The following ERMAP variants were observed in gnomAD, a reference collection of about 807,000 sequenced individuals.
The protein encoded by ERMAP is erythroid membrane-associated protein.
ERMAP carries 34 observed loss-of-function variants against 49.5 expected under a neutral mutation model. That is an observed-to-expected ratio of 0.69 (90% confidence interval 0.52 to 0.91). The LOEUF is 0.91. Among genes scored for constraint, ERMAP ranks in the 40% least tolerant of loss-of-function variants. The pLI is 0.00. For missense variants in ERMAP, 541 were observed against 582.6 expected, an observed-to-expected ratio of 0.93 and a Z score of 0.74; for synonymous variants, 214 against 232.2, an observed-to-expected ratio of 0.92 and a Z score of 0.71.
intron 4 of ERMAP, 100 bp from the exon 5 acceptor site, chr1:42,834,938 T>G: frequency 1.4e-6 from 1 of 731,088 alleles, no homozygotes; most frequent in Non-Finnish European, 2.5e-6. Context: ...CTAGAGGTGA[T>G]GGAGAGTGTT....
chr1:42,825,431 G>A (rs1349963158), intron 1 of ERMAP, 192 bp from the exon 2 acceptor site: 19 of 1,098,414 alleles, frequency 1.7e-5, no homozygotes, highest in East Asian at 7.3e-5. Context: ...CCTCCTACCC[G>A]GTCAGTCATA....
In ERMAP at chr1:42,843,254, C is replaced by T. The variant is rs1349145844; in HGVS notation, c.*22C>T. 2 of 1,524,062 alleles carry T rather than the reference C, an allele frequency of 1.3e-6. No individual in the cohort carries two copies. The highest frequency in any genetic ancestry group is 1.8e-6 in the Non-Finnish European group (2 of 1,131,950). The allele number at this position is 1,524,062 out of a possible 1,614,324, so 94.4% of individuals were successfully genotyped here. On this transcript the variant is annotated 3_prime_UTR_variant, in exon 12 of 12. Coordinates refer to ENST00000372517, the MANE Select transcript of ERMAP (RefSeq NM_001017922.2). ...TTAGGGATATGCCACATTACCTGCTCCCATCACCATCCAGCCCAGCACCCT... is the reference window on the plus strand; with the variant it reads ...TTAGGGATATGCCACATTACCTGCTTCCATCACCATCCAGCCCAGCACCCT...
At chr1:42,825,131 T>C (rs1342016858) in intron 1 of ERMAP, among the ~76,000 whole-genome samples, 1 of 152,192 alleles carries the variant, frequency 6.6e-6, no homozygotes, top group African/African-American at 2.4e-5. Flanking sequence ...ATTATGAACA[T>C]ACAGCTAAGG....
At chr1:42,817,292 G>T in intron 1 of ERMAP, 39 bp downstream of exon 1, 2 of 1,208,996 alleles carry the variant, frequency 1.7e-6, no homozygotes, top group East Asian at 1.8e-4. Flanking sequence ...ACCCAGCGCT[G>T]CCTGCCCACC....
intron 7 of ERMAP, 67 bp from the exon 8 acceptor site, chr1:42,838,834 G>A (rs1654976916): frequency 6.2e-7 from 1 of 1,604,412 alleles, no homozygotes; most frequent in African/African-American, 1.3e-5. Flanking sequence ...TGATGAGGCT[G>A]CCACAGCTCT....
intron 4 of ERMAP, among the ~76,000 whole-genome samples, chr1:42,833,088 A>G (rs922568217): frequency 6.6e-6 from 1 of 152,264 alleles, no homozygotes; most frequent in African/African-American, 2.4e-5. Flanking sequence ...TGAACCATCC[A>G]CAACATGGCC....
At chr1:42,820,682 C>T (rs1654382450) in intron 1 of ERMAP, among the ~76,000 whole-genome samples, 1 of 151,794 alleles carries the variant, frequency 6.6e-6, no homozygotes, top group South Asian at 2.1e-4. Context: ...TTGTTTGATC[C>T]CCGACTTTCC....
Position 42,830,428 on chromosome 1 carries a change from CCTCT to C in ERMAP, c.-5-15_-5-12del, listed in dbSNP as rs570262554. The C allele has an allele frequency of 1.5e-4, 245 of 1,613,328 alleles. 3 individuals carry two copies. In the South Asian group the frequency reaches 2.5e-3, roughly 16 times the overall value. ...CCCATCAGCCCGCTTGTGCTGTCTC[CCTCT>C]GTCTGTCCTAGTTCGGATGGAGATG... is the stretch of plus-strand genomic sequence containing the variant. On this transcript the variant is annotated splice_polypyrimidine_tract_variant and intron_variant, in intron 2 of 11. Transcript: ENST00000372517.
rs1170098578 is a variant in ERMAP, at chr1:42,819,046, A to G, written c.-122+1793A>G. Among the ~76,000 whole-genome samples, 1 of 152,136 alleles carries G rather than the reference A, an allele frequency of 6.6e-6. No homozygotes were observed. The highest frequency in any genetic ancestry group is 1.5e-5 in the Non-Finnish European group (1 of 68,008). ...GCTAAAAACAAACCAGCTATAGGGA[A>G]TGGAGGAGTGGAAAAGCCACATGGA... On this transcript the variant is annotated intron_variant, in intron 1 of 11. Coordinates refer to ENST00000372517, the MANE Select transcript of ERMAP (RefSeq NM_001017922.2). This position sits in a 1 kb window ranked among gnomAD's most constrained non-coding sequence, Gnocchi z 5.1.
Position 42,843,214 on chromosome 1 carries a change from C to A in ERMAP, c.1410C>A (p.Leu470=), listed in dbSNP as rs767198184. 1.3e-6 allele frequency: 2 copies of A among 1,588,216 alleles called. No homozygotes were observed. Among genetic ancestry groups the A allele is most frequent in the Non-Finnish European group, 1.7e-6 (2 of 1,169,640 alleles). ...PPDLGPALQE[L]KAPSF is the part of the protein sequence containing the mutation. Reference sequence around the variant, plus strand: ...ACCTTGGCCCAGCCCTTCAGGAGCTCAAGGCTCCTTCTTTTTAGGGATATG... The same window carrying A: ...ACCTTGGCCCAGCCCTTCAGGAGCTAAAGGCTCCTTCTTTTTAGGGATATG... Residue 470 remains leucine, a synonymous_variant, in exon 12 of 12, where the codon CTC becomes CTA. Transcript: ENST00000372517.
At chr1:42,825,867 G>A (rs1654530919) in intron 2 of ERMAP, 129 bp downstream of exon 2, 1 of 1,112,610 alleles carries the variant, frequency 9.0e-7, no homozygotes, top group Non-Finnish European at 1.2e-6. Context: ...TGGGGCAGTT[G>A]TTAGCTATCA....
chr1:42,829,664 A>G (rs943351391), intron 2 of ERMAP, among the ~76,000 whole-genome samples: 1 of 152,204 alleles, frequency 6.6e-6, no homozygotes, highest in Non-Finnish European at 1.5e-5. Context: ...AATAATAACA[A>G]CAACTACACA....
intron 6 of ERMAP, 188 bp from the exon 7 acceptor site, chr1:42,836,970 G>T (rs1171024722): frequency 1.9e-5 from 11 of 577,686 alleles, no homozygotes; most frequent in Middle Eastern, 7.9e-4. Flanking sequence ...GAGGGATTAA[G>T]ACAGGATGTG....
intron 1 of ERMAP, among the ~76,000 whole-genome samples, chr1:42,824,920 T>C (rs1457360415): frequency 6.6e-6 from 1 of 152,194 alleles, no homozygotes; most frequent in African/African-American, 2.4e-5. Context: ...TGCTAGCAGC[T>C]TGCCTGCAAG....
chr1:42,837,067 G>A (rs1049341126), intron 6 of ERMAP, 91 bp from the exon 7 acceptor site: 124 of 1,336,202 alleles, frequency 9.3e-5, no homozygotes, highest in Non-Finnish European at 1.3e-4. Context: ...GATAGAGGTG[G>A]ACAGGTCCAA....
chr1:42,833,466 T>C (rs1038609351), intron 4 of ERMAP, among the ~76,000 whole-genome samples: 14 of 152,242 alleles, frequency 9.2e-5, no homozygotes, highest in Admixed American at 7.8e-4. Context: ...AGCATTTGTT[T>C]TCTTTGCCCA....
intron 7 of ERMAP, 47 bp from the exon 8 acceptor site, chr1:42,838,854 G>C: frequency 6.2e-7 from 1 of 1,611,374 alleles, no homozygotes; most frequent in Non-Finnish European, 8.5e-7. Flanking sequence ...TGAGGAAAAA[G>C]AGGCAGGATC....
chr1:42,824,409 C>T (rs897706480), intron 1 of ERMAP: 2 of 151,858 alleles, frequency 1.3e-5, no homozygotes, highest in African/African-American at 4.8e-5. Context: ...CAGAAACAAC[C>T]CACATTTCTA....
At chr1:42,817,926 A>G (rs1654291327) in intron 1 of ERMAP, 1 of 152,240 alleles carries the variant, frequency 6.6e-6, no homozygotes, top group African/African-American at 2.4e-5. Context: ...AATTCCTCAT[A>G]ATAAGTGTGT....
Sources: allele counts gnomAD v4.1 joint callset (sites outside exome capture counted in the v4.1 genomes callset), GRCh38; gene constraint gnomAD v4.1.1; non-coding constraint Gnocchi (gnomAD v3.1); transcripts MANE v1.5; gene names NCBI Gene and HGNC (gene_info 2026-07-23, HGNC 2026-07-21).